TSGA10: variants seen among roughly 807,000 people sequenced by gnomAD.
The protein encoded by TSGA10 is testis-specific gene 10 protein.
A neutral mutation model predicts 96.6 loss-of-function variants in TSGA10; 43 were observed. The ratio of observed to expected loss-of-function variants is 0.44; its 90% CI spans 0.35 to 0.57. The LOEUF (loss-of-function observed/expected upper bound fraction) is 0.57, where lower values mean the gene tolerates loss of function less well. Ranked by LOEUF, TSGA10 falls within the 20% of genes least tolerant of loss-of-function variation. The pLI, the probability that TSGA10 is intolerant of heterozygous loss-of-function variation, is 0.01. For synonymous variants in TSGA10, 229 were observed against 269.9 expected (o/e 0.85, Z 1.48); for missense variants, 703 against 834.4 (o/e 0.84, Z 1.94).
rs3069288 is a variant in TSGA10, at chr2:99,069,635, C to CAATAAATAAATAAATAAATA, written c.1108-657_1108-638dup. On this transcript the variant is annotated intron_variant, in intron 14 of 20. Coordinates refer to ENST00000393483, the MANE Select transcript of TSGA10 (RefSeq NM_025244.4). Reference sequence around the variant, plus strand: ...ACAACATAGTGGGAACCCAACTCTACAATAAATAAATAAATAAATAAATAA... The same window carrying CAATAAATAAATAAATAAATA: ...ACAACATAGTGGGAACCCAACTCTACAATAAATAAATAAATAAATAAATAAATAAATAAATAAATAAATAA... 1.4e-3 allele frequency among the ~76,000 whole-genome samples: 206 copies of CAATAAATAAATAAATAAATA among 145,894 alleles called. 1 individual carries two copies. The highest frequency in any genetic ancestry group is 3.6e-3 in the African/African-American group (142 of 38,960).
intron 1 of TSGA10, chr2:99,150,998 C>A: frequency 2.0e-6 from 1 of 499,836 alleles, no homozygotes. Context: ...TTTTATGATG[C>A]TTATTCAAAA....
chr2:99,048,586 T>C (rs2083044731), intron 16 of TSGA10, among the ~76,000 whole-genome samples: 1 of 152,166 alleles, frequency 6.6e-6, no homozygotes, highest in South Asian at 2.1e-4. Flanking sequence ...TAACTCAAGA[T>C]GGATTAAAGA....
In TSGA10 at chr2:99,114,933, G is replaced by GAT. The variant is rs199854805; in HGVS notation, c.-140+2609_-140+2610dup. On this transcript the variant is annotated intron_variant, in intron 4 of 20. Transcript: ENST00000393483. The stretch of plus-strand genomic sequence containing the variant: ...AGACATACTAAAACTCTTCAATATT[G>GAT]ATATATATATATTTTTTTGAGATAA... Among the ~76,000 whole-genome samples the GAT allele has an allele frequency of 7.9e-5, 12 of 152,050 alleles. 1 individual carries two copies. The South Asian group carries it at 1.9e-3, about 24-fold the overall frequency.
In TSGA10 at chr2:99,105,672, C is replaced by T. The variant is rs146207401; in HGVS notation, c.236G>A (p.Arg79Gln). Residue 79 changes from arginine (R) to glutamine (Q), a missense_variant, in exon 8 of 21, where the codon CGA (arginine) becomes CAA (glutamine). By Grantham distance (43) the Arg-to-Gln change is conservative. This residue lies in a region of TSGA10 where 585 missense variants were observed against 656.8 expected (regional missense o/e 0.89). Transcript: ENST00000393483. The stretch of plus-strand genomic sequence containing the variant: ...CTTACAGCTTTTCATCATTTCTCGT[C>T]GAAGTCGGGTAATTTCTTCCTGTGC... ...EQAQEEITRL[R>Q]REMMKSCKSP... 1.3e-5 allele frequency: 21 copies of T among 1,591,590 alleles called. No homozygotes were observed. Among genetic ancestry groups the T allele is most frequent in the African/African-American group, 1.1e-4 (8 of 74,530 alleles).
chr2:99,097,226 T>C (rs1198864952), intron 10 of TSGA10, among the ~76,000 whole-genome samples: 1 of 152,062 alleles, frequency 6.6e-6, no homozygotes, highest in Non-Finnish European at 1.5e-5. Flanking sequence ...TGAAAATATA[T>C]ATATATAGGA....
chr2:99,147,320 C>A, intron 1 of TSGA10: 2 of 769,470 alleles, frequency 2.6e-6, no homozygotes, highest in Non-Finnish European at 2.2e-6. Flanking sequence ...ATCTTAATAT[C>A]TAGTAAAGAA....
At chr2:99,097,268 A>C (rs948461507) in intron 10 of TSGA10, among the ~76,000 whole-genome samples, 1 of 152,160 alleles carries the variant, frequency 6.6e-6, no homozygotes, top group Non-Finnish European at 1.5e-5. Flanking sequence ...CAAAATTCTA[A>C]AATAAATTCT....
At chr2:99,025,432 CTA>C (rs1164897827) in intron 17 of TSGA10, among the ~76,000 whole-genome samples, 2 of 152,118 alleles carry the variant, frequency 1.3e-5, no homozygotes, top group Non-Finnish European at 2.9e-5. Context: ...TGATATTCCC[CTA>C]TGATACTTTT....
At chr2:99,136,519 C>CAAAA (rs1280297152) in intron 1 of TSGA10, among the ~76,000 whole-genome samples, 5 of 99,084 alleles carry the variant, frequency 5.0e-5, no homozygotes, top group Admixed American at 2.1e-4. Context: ...GTATTTCTGC[C>CAAAA]GGGCGCGGTG....
intron 1 of TSGA10, among the ~76,000 whole-genome samples, chr2:99,131,135 T>C (rs561521430): frequency 6.6e-6 from 1 of 152,312 alleles, no homozygotes; most frequent in East Asian, 1.9e-4. Context: ...TTTGGTTCCA[T>C]GTGAAATTTA....
chr2:99,092,925 C>A (rs751098414), intron 10 of TSGA10, among the ~76,000 whole-genome samples: 107 of 152,170 alleles, frequency 7.0e-4, no homozygotes, highest in Non-Finnish European at 1.3e-3. Context: ...ACCCTAAATA[C>A]CAAAACCAGG....
chr2:99,007,382 T>G (rs4324365), intron 20 of TSGA10, among the ~76,000 whole-genome samples: 53,313 of 152,040 alleles, frequency 0.35, 10,678 homozygotes, highest in African/African-American at 0.55. Context: ...ATAAGAGATA[T>G]ATTTAAAATG....
intron 1 of TSGA10, chr2:99,142,232 A>G (rs1173176277): frequency 3.9e-5 from 6 of 152,234 alleles, no homozygotes; most frequent in African/African-American, 7.2e-5. Flanking sequence ...CCCTTCTTAA[A>G]TAACTCAAGA....
intron 4 of TSGA10, among the ~76,000 whole-genome samples, chr2:99,115,458 GATAA>G (rs1323851990): frequency 6.6e-6 from 1 of 151,568 alleles, no homozygotes. Flanking sequence ...TCCATTTGAA[GATAA>G]ATAATTCAAA....
intron 2 of TSGA10, chr2:99,125,574 C>G (rs973182837): frequency 1.3e-5 from 2 of 152,136 alleles, no homozygotes; most frequent in Non-Finnish European, 2.9e-5. Context: ...CTTCCTGATT[C>G]TTTGGATTAC....
Position 99,102,753 on chromosome 2 carries a change from T to A in TSGA10, c.611+1214A>T, listed in dbSNP as rs927884840. 2.4e-5 allele frequency: 38 copies of A among 1,603,366 alleles called. No individual in the cohort carries two copies. In the Admixed American group the frequency reaches 6.3e-4, roughly 27 times the overall value. On this transcript the variant is annotated intron_variant, in intron 10 of 20. Transcript: ENST00000393483. Reference sequence around the variant, plus strand: ...AGAAGATGATACCACACATGGTTAATTGGAAAATACTACTTACTGGTTTGG... The same window carrying A: ...AGAAGATGATACCACACATGGTTAAATGGAAAATACTACTTACTGGTTTGG...
At chr2:99,049,827 G>A (rs1558846786) in intron 16 of TSGA10, among the ~76,000 whole-genome samples, 2 of 151,220 alleles carry the variant, frequency 1.3e-5, no homozygotes, top group East Asian at 1.9e-4. Context: ...AAACACTAAA[G>A]GAAGTTCTTC....
chr2:99,102,789 T>G, intron 10 of TSGA10: 1 of 1,491,402 alleles, frequency 6.7e-7, no homozygotes, highest in Admixed American at 1.7e-5. Flanking sequence ...GAGTTGTGTA[T>G]AGTAATATGA....
chr2:99,152,249 T>G (rs1278282740), intron 1 of TSGA10, among the ~76,000 whole-genome samples: 1 of 152,164 alleles, frequency 6.6e-6, no homozygotes, highest in Admixed American at 6.5e-5. Context: ...AAGAAACGTA[T>G]AGCATTCAGA....
Sources: gnomAD v4.1 joint callset for allele counts (sites outside exome capture counted in the v4.1 genomes callset) on GRCh38, gnomAD v4.1.1 for gene constraint, gnomAD v4.1.1 regional missense constraint, MANE v1.5 for transcripts, NCBI Gene and HGNC (gene_info 2026-07-23, HGNC 2026-07-21) for gene names.